Variants in HS6ST3 observed in about 807,000 individuals in gnomAD.
HS6ST3 encodes heparan-sulfate 6-O-sulfotransferase 3.
Under a neutral mutation model 36.7 loss-of-function variants are expected in HS6ST3, and 12 were observed. That is an observed-to-expected ratio of 0.33 (90% CI 0.21 to 0.53). HS6ST3 has a LOEUF of 0.53. Ranked by LOEUF, HS6ST3 falls within the 20% of genes least tolerant of loss-of-function variation. The probability of loss-of-function intolerance (pLI) is 0.95; values close to 1 mark genes in which losing one functional copy is unlikely to be tolerated. For synonymous variants in HS6ST3, 240 were observed against 257.5 expected, an observed-to-expected ratio of 0.93 and a Z score of 0.65; for missense variants, 584 against 640.9, an observed-to-expected ratio of 0.91 and a Z score of 0.96.
chr13:96,249,287 G>T (rs1249664549), intron 1 of HS6ST3, among the ~76,000 whole-genome samples: 1 of 152,160 alleles, frequency 6.6e-6, no homozygotes, highest in Non-Finnish European at 1.5e-5. Context: ...TCCCTCTCAG[G>T]AGGTGGTGGA....
intron 1 of HS6ST3, among the ~76,000 whole-genome samples, chr13:96,165,189 C>T (rs781403312): frequency 1.3e-5 from 2 of 152,124 alleles, no homozygotes; most frequent in Non-Finnish European, 2.9e-5. Context: ...GGAATGTGAG[C>T]AGAGCATTTT....
intron 1 of HS6ST3, among the ~76,000 whole-genome samples, chr13:96,412,534 T>G (rs533321910): frequency 6.6e-6 from 1 of 152,248 alleles, no homozygotes; most frequent in South Asian, 2.1e-4. Context: ...CAAAATGGAT[T>G]AAGAAGATTC....
chr13:96,258,611 A>AG (rs1566303860), intron 1 of HS6ST3, among the ~76,000 whole-genome samples: 1 of 152,166 alleles, frequency 6.6e-6, no homozygotes, highest in Non-Finnish European at 1.5e-5. Flanking sequence ...CACTTAGGAT[A>AG]GGCTCTTTCC....
At chr13:96,666,137 T>C (rs144769307) in intron 1 of HS6ST3, among the ~76,000 whole-genome samples, 1 of 152,236 alleles carries the variant, frequency 6.6e-6, no homozygotes, top group African/African-American at 2.4e-5. Flanking sequence ...TGTACTTCTT[T>C]ACATGGTGAC....
At chr13:96,512,156 G>C (rs962476266) in intron 1 of HS6ST3, among the ~76,000 whole-genome samples, 2 of 152,202 alleles carry the variant, frequency 1.3e-5, no homozygotes, top group Non-Finnish European at 2.9e-5. Context: ...CAGGAGTGGT[G>C]AAAGTAGGCA....
chr13:96,094,683 C>A (rs1198907955), intron 1 of HS6ST3, among the ~76,000 whole-genome samples: 1 of 152,128 alleles, frequency 6.6e-6, no homozygotes, highest in Non-Finnish European at 1.5e-5. Context: ...AAAAGAAATA[C>A]ATGGCAAACT....
intron 1 of HS6ST3, among the ~76,000 whole-genome samples, chr13:96,454,656 G>T (rs1941256748): frequency 1.3e-5 from 2 of 151,784 alleles, no homozygotes; most frequent in Admixed American, 1.3e-4. Context: ...TTTTTTAATG[G>T]ATGGAGAGAC....
At chr13:96,637,392 CAT>C (rs2056553648) in intron 1 of HS6ST3, among the ~76,000 whole-genome samples, 2 of 152,068 alleles carry the variant, frequency 1.3e-5, no homozygotes, top group Admixed American at 1.3e-4. Flanking sequence ...ATACAGCACA[CAT>C]ATGTGGTTTA....
chr13:96,780,421 ACCTCCATAT>A (rs992631096), intron 1 of HS6ST3, among the ~76,000 whole-genome samples: 1 of 152,020 alleles, frequency 6.6e-6, no homozygotes, highest in Admixed American at 6.6e-5. Context: ...TCCAGATAAG[ACCTCCATAT>A]CCTGGGGTAG....
At chr13:96,384,237 C>T (rs1050720899) in intron 1 of HS6ST3, among the ~76,000 whole-genome samples, 3 of 152,066 alleles carry the variant, frequency 2.0e-5, no homozygotes, top group African/African-American at 4.8e-5. Flanking sequence ...TATAAAATCA[C>T]ATTTATTTTA....
At chr13:96,105,267 C>T (rs921246457) in intron 1 of HS6ST3, among the ~76,000 whole-genome samples, 2 of 151,878 alleles carry the variant, frequency 1.3e-5, no homozygotes, top group Admixed American at 6.6e-5. Flanking sequence ...TGTGGAAAGA[C>T]ATGGAAGTAG....
At chr13:96,736,501 G>C (rs901050741) in intron 1 of HS6ST3, among the ~76,000 whole-genome samples, 18 of 151,986 alleles carry the variant, frequency 1.2e-4, no homozygotes, top group Non-Finnish European at 2.4e-4. Flanking sequence ...GCAATATAGA[G>C]ACTTTAAGCT....
At chr13:96,327,730 G>C (rs2139418548) in intron 1 of HS6ST3, among the ~76,000 whole-genome samples, 1 of 152,196 alleles carries the variant, frequency 6.6e-6, no homozygotes, top group South Asian at 2.1e-4. Context: ...GTCATTGGTG[G>C]CTTGATGGGG....
At chr13:96,267,575 C>A (rs1225446646) in intron 1 of HS6ST3, among the ~76,000 whole-genome samples, 2 of 150,404 alleles carry the variant, frequency 1.3e-5, no homozygotes, top group Non-Finnish European at 2.9e-5. Context: ...CTTTCCAAGG[C>A]ACTGTGTAAA....
chr13:96,190,377 A>T (rs1018984843), intron 1 of HS6ST3, among the ~76,000 whole-genome samples: 1 of 152,130 alleles, frequency 6.6e-6, no homozygotes, highest in Non-Finnish European at 1.5e-5. Flanking sequence ...CTGCGTATTA[A>T]CTATCTTCTA....
intron 1 of HS6ST3, among the ~76,000 whole-genome samples, chr13:96,116,874 G>T (rs146114822): frequency 6.6e-6 from 1 of 152,104 alleles, no homozygotes; most frequent in Non-Finnish European, 1.5e-5. Context: ...AGGGAAACTC[G>T]AAGTAGGTAA....
intron 1 of HS6ST3, among the ~76,000 whole-genome samples, chr13:96,539,495 G>T: frequency 6.6e-6 from 1 of 151,968 alleles, no homozygotes; most frequent in East Asian, 1.9e-4. Flanking sequence ...AGCTGGGATT[G>T]CAGGCACCTG....
rs1030360294 is a variant in HS6ST3, at chr13:96,142,380, T to C, written c.707+50811T>C. The stretch of plus-strand genomic sequence containing the variant: ...TAAGTCATTCTCCTGGAAAACACTT[T>C]TCCCAAAGAACTAACAATTAATTAT... On this transcript the variant is annotated intron_variant, in intron 1 of 1. Transcript: ENST00000376705. 1.1e-4 allele frequency among the ~76,000 whole-genome samples: 17 copies of C among 152,212 alleles called. 1 individual carries two copies. The highest frequency in any genetic ancestry group is 9.2e-4 in the Admixed American group (14 of 15,276).
intron 1 of HS6ST3, among the ~76,000 whole-genome samples, chr13:96,488,026 ACT>A (rs2055924416): frequency 6.6e-6 from 1 of 152,004 alleles, no homozygotes; most frequent in Admixed American, 6.6e-5. Flanking sequence ...AAATTATTTA[ACT>A]CTGCAAACTC....
Sources: gnomAD v4.1 joint callset for allele counts (sites outside exome capture counted in the v4.1 genomes callset) on GRCh38, gnomAD v4.1.1 for gene constraint, MANE v1.5 for transcripts, NCBI Gene and HGNC (gene_info 2026-07-23, HGNC 2026-07-21) for gene names.